Variants in MIAT observed in about 807,000 individuals in gnomAD.
MIAT encodes the protein myocardial infarction associated transcript.
At chr22:26,666,199 A>G (rs1476494221) in exon 4 of MIAT, 1 of 398,496 alleles carries the variant, frequency 2.5e-6, no homozygotes, top group Non-Finnish European at 4.4e-6. Context: ...GTTGATGAAG[A>G]CAGCACAGTT....
chr22:26,674,309 C>T (rs764475326), downstream of MIAT: 2 of 398,652 alleles, frequency 5.0e-6, no homozygotes, highest in Non-Finnish European at 4.4e-6. Flanking sequence ...ACTGAGGGAA[C>T]GTCCTTTGGG....
At chr22:26,647,283 C>A in exon 2 of MIAT, 1 of 397,608 alleles carries the variant, frequency 2.5e-6, no homozygotes, top group Non-Finnish European at 4.4e-6. Context: ...CTTCACCGTG[C>A]CCTGGAGATG....
exon 5 of MIAT, chr22:26,675,900 G>C (rs1931244075): frequency 2.5e-6 from 1 of 398,524 alleles, no homozygotes; most frequent in African/African-American, 2.1e-5. Context: ...AGAAGGATTG[G>C]GACTAGGCCA....
At chr22:26,656,839 C>CGGG (rs151057042) in intron 2 of MIAT, among the ~76,000 whole-genome samples, 34 of 152,050 alleles carry the variant, frequency 2.2e-4, no homozygotes, top group African/African-American at 8.2e-4. Context: ...CCCAGGAGTT[C>CGGG]GGGGGGGTGC....
chr22:26,654,787 C>T (rs1169361971), intron 2 of MIAT, among the ~76,000 whole-genome samples: 1 of 152,144 alleles, frequency 6.6e-6, no homozygotes, highest in Non-Finnish European at 1.5e-5. Flanking sequence ...TCTTGGCTCA[C>T]TGCAAGCTCC....
chr22:26,668,170 G>C (rs1930919067), exon 6 of MIAT: 1 of 398,524 alleles, frequency 2.5e-6, no homozygotes. Context: ...GGCTCCATCT[G>C]GGCCGCATCT....
intron 2 of MIAT, chr22:26,658,262 TCAGTTTATGGAGAGGTTACTCTACG>T (rs1420646077): frequency 1.3e-5 from 2 of 151,640 alleles, no homozygotes; most frequent in Admixed American, 1.3e-4. Context: ...AACAGTGACA[TCAGTTTATGGAGAGGTTACTCTACG>T]CAGGGACGTG....
chr22:26,656,844 G>T (rs1227557351), intron 2 of MIAT, among the ~76,000 whole-genome samples: 1 of 152,128 alleles, frequency 6.6e-6, no homozygotes, highest in Admixed American at 6.5e-5. Context: ...GAGTTCGGGG[G>T]GGTGCGGTGA....
chr22:26,663,290 GCTGT>G (rs1310239277), intron 2 of MIAT: 2 of 398,482 alleles, frequency 5.0e-6, no homozygotes, highest in African/African-American at 4.1e-5. Context: ...TTCTCTCACT[GCTGT>G]CTCTTTTTCT....
chr22:26,650,308 C>T (rs971640479), intron 2 of MIAT: 2 of 152,166 alleles, frequency 1.3e-5, no homozygotes, highest in Non-Finnish European at 2.9e-5. Flanking sequence ...AGAAGTTGAC[C>T]CTGCTTCTAC....
At position 26,647,894 on chromosome 22, in the gene MIAT, G is replaced by A. The variant is rs114515871; in HGVS notation, n.646+583G>A. Among the ~76,000 whole-genome samples, 1,009 of 152,074 alleles carry A rather than the reference G, an allele frequency of 6.6e-3. 9 individuals are homozygous for A. The highest frequency in any genetic ancestry group is 0.021 in the African/African-American group (852 of 41,444). ...GGCTTGGAGTGCATTGGGTGTGGGGGCCGTGGGAGAAGGAAGGGTGAGTGT... is the reference window on the plus strand; with the variant it reads ...GGCTTGGAGTGCATTGGGTGTGGGGACCGTGGGAGAAGGAAGGGTGAGTGT... On this transcript the variant is annotated intron_variant and non_coding_transcript_variant, in intron 2 of 5. Coordinates refer to ENST00000643270, the Ensembl canonical transcript of MIAT.
At chr22:26,656,666 C>T (rs372236367) in intron 2 of MIAT, among the ~76,000 whole-genome samples, 1 of 152,200 alleles carries the variant, frequency 6.6e-6, no homozygotes, top group African/African-American at 2.4e-5. Context: ...TGCTGCAACT[C>T]TAGAACCACT....
chr22:26,669,750 G>C (rs1050170848), downstream of MIAT: 5 of 398,904 alleles, frequency 1.3e-5, no homozygotes, highest in Admixed American at 4.4e-5. Context: ...AGCAGACACG[G>C]AGAGTGGCAG....
chr22:26,671,301 G>A (rs1006066240), downstream of MIAT: 10 of 398,550 alleles, frequency 2.5e-5, no homozygotes, highest in African/African-American at 2.1e-4. Context: ...ATGGGGCTGG[G>A]GGGCTTAGAG....
intron 2 of MIAT, among the ~76,000 whole-genome samples, chr22:26,651,858 A>G (rs1930341632): frequency 6.6e-6 from 1 of 152,150 alleles, no homozygotes; most frequent in Non-Finnish European, 1.5e-5. Context: ...GTGGGGTGTT[A>G]TTTTGGGGGT....
chr22:26,660,499 G>A lies in MIAT; in HGVS notation n.647-2817G>A, dbSNP rs1045618074. Among the ~76,000 whole-genome samples the A allele has an allele frequency of 2.2e-3, 327 of 147,602 alleles. 1 individual carries two copies. The highest frequency in any genetic ancestry group is 2.4e-3 in the Non-Finnish European group (162 of 66,820). On this transcript the variant is annotated intron_variant and non_coding_transcript_variant, in intron 2 of 5. Transcript: ENST00000643270. ...AAAAAAAAGAAGAAGAAGAAGAAAA[G>A]AAATTGCATTATATGTATAATGCTT...
chr22:26,648,602 TA>T (rs1930281216), intron 2 of MIAT, among the ~76,000 whole-genome samples: 2 of 150,138 alleles, frequency 1.3e-5, no homozygotes, highest in African/African-American at 4.9e-5. Context: ...ATAGACTCCA[TA>T]AAGTAGAGGA....
chr22:26,675,261 G>A, exon 5 of MIAT: 1 of 398,838 alleles, frequency 2.5e-6, no homozygotes, highest in Non-Finnish European at 4.4e-6. Flanking sequence ...ACCAGTTTCT[G>A]GGGATCAGAG....
intron 2 of MIAT, among the ~76,000 whole-genome samples, chr22:26,657,021 C>T (rs1487465084): frequency 6.6e-6 from 1 of 152,236 alleles, no homozygotes; most frequent in African/African-American, 2.4e-5. Flanking sequence ...AATCTGGACT[C>T]CACCATAACC....
Sources: allele counts gnomAD v4.1 joint callset (sites outside exome capture counted in the v4.1 genomes callset), GRCh38; gene constraint gnomAD v4.1.1; transcripts MANE v1.5; gene names NCBI Gene and HGNC (gene_info 2026-07-23, HGNC 2026-07-21).